The following BCL2 variants were observed in gnomAD, a reference collection of about 807,000 sequenced individuals.
BCL2 encodes the protein BCL2 apoptosis regulator, also known as apoptosis regulator Bcl-2.
BCL2 carries 1 observed loss-of-function variant against 14.2 expected under a neutral mutation model. The ratio of observed to expected loss-of-function variants is 0.07; its 90% confidence interval spans 0.02 to 0.33. The LOEUF is 0.33. Ranked by LOEUF, BCL2 falls within the 10% of genes least tolerant of loss-of-function variation. The probability of loss-of-function intolerance (pLI) is 0.99; values close to 1 mark genes in which losing one functional copy is unlikely to be tolerated. For missense variants in BCL2, 247 were observed against 305.9 expected (o/e 0.81, Z 1.44); for synonymous variants, 151 against 137.2 (o/e 1.10, Z -0.70).
chr18:63,231,694 G>T (rs913162295), intron 2 of BCL2, among the ~76,000 whole-genome samples: 1 of 151,994 alleles, frequency 6.6e-6, no homozygotes, highest in Non-Finnish European at 1.5e-5. Flanking sequence ...AAACTCATAA[G>T]ACCTAAATAA....
At chr18:63,319,850 CT>C (rs1166740035), upstream of BCL2, 2 of 178,982 alleles carry the variant, frequency 1.1e-5, no homozygotes, top group African/African-American at 2.4e-5. Flanking sequence ...GTTCTCCCCC[CT>C]GGACCCCCTC....
At chr18:63,165,436 C>A (rs1915020001) in intron 2 of BCL2, among the ~76,000 whole-genome samples, 1 of 152,194 alleles carries the variant, frequency 6.6e-6, no homozygotes, top group African/African-American at 2.4e-5. Context: ...TAGCTGCAGA[C>A]CTCCCTGGCT....
chr18:63,229,433 A>C (rs1362265663), intron 2 of BCL2, among the ~76,000 whole-genome samples: 3 of 152,188 alleles, frequency 2.0e-5, no homozygotes, highest in Admixed American at 2.0e-4. Flanking sequence ...TCTCATATTG[A>C]AATATAATCC....
chr18:63,251,855 C>T (rs777154088), intron 2 of BCL2, among the ~76,000 whole-genome samples: 3 of 151,718 alleles, frequency 2.0e-5, no homozygotes, highest in Non-Finnish European at 2.9e-5. Context: ...CCTGCCACCA[C>T]GCCCAGCTAA....
intron 2 of BCL2, among the ~76,000 whole-genome samples, chr18:63,136,654 C>T (rs1914217905): frequency 6.6e-6 from 1 of 152,252 alleles, no homozygotes; most frequent in South Asian, 2.1e-4. Flanking sequence ...ACAGAGCTTA[C>T]TCCTGCCAGG....
intron 2 of BCL2, among the ~76,000 whole-genome samples, chr18:63,298,187 G>T (rs1912854450): frequency 6.6e-6 from 1 of 152,172 alleles, no homozygotes; most frequent in Non-Finnish European, 1.5e-5. Context: ...ACTCCGAGCT[G>T]CAATCTGGCT....
At position 63,318,471 on chromosome 18, in the gene BCL2, C is replaced by T. The variant is rs749649089; in HGVS notation, c.196G>A (p.Val66Ile). 6 of 1,469,108 alleles carry T rather than the reference C, an allele frequency of 4.1e-6. No homozygotes were observed. Among genetic ancestry groups the T allele is most frequent in the Non-Finnish European group, 8.9e-7 (1 of 1,122,122 alleles). The allele number at this position is 1,469,108 out of a possible 1,614,324, so 91.0% of individuals were successfully genotyped here. A position where few individuals can be genotyped will look rare whatever the true frequency, so the allele number is the denominator to read the frequency against. The part of the protein sequence containing the change: ...TPHPAASRDP[V>I]ARTSPLQTPA... ...GTCTGCAGCGGCGAGGTCCTGGCGACCGGGTCCCGGGATGCGGCTGGATGG... is the reference window on the plus strand; with the variant it reads ...GTCTGCAGCGGCGAGGTCCTGGCGATCGGGTCCCGGGATGCGGCTGGATGG... The change falls in exon 2 of 3, where the codon GTC becomes ATC. Residue 66 changes from valine (V) to isoleucine (I), a missense_variant. Physicochemically the swap from Val to Ile is conservative, Grantham distance 29. Around this residue, in one of 3 missense-constraint regions of BCL2, gnomAD observed 144 missense variants for 135.3 expected, o/e 1.06. Coordinates refer to ENST00000333681, the MANE Select transcript of BCL2 (RefSeq NM_000633.3). The surrounding 1 kb of genome is among the most constrained non-coding windows in gnomAD (Gnocchi z 7.4).
chr18:63,236,477 C>T (rs892359225), intron 2 of BCL2, among the ~76,000 whole-genome samples: 1 of 152,232 alleles, frequency 6.6e-6, no homozygotes, highest in Middle Eastern at 3.4e-3. Context: ...GTTCATTCCA[C>T]TCATTTAGTA....
intron 2 of BCL2, among the ~76,000 whole-genome samples, chr18:63,239,902 C>T (rs945357799): frequency 1.2e-4 from 19 of 152,182 alleles, no homozygotes; most frequent in Non-Finnish European, 2.8e-4. Context: ...TCTCAGTTCA[C>T]ACTCGCATGC....
At chr18:63,141,988 G>T (rs184655426) in intron 2 of BCL2, among the ~76,000 whole-genome samples, 2 of 152,364 alleles carry the variant, frequency 1.3e-5, no homozygotes, top group African/African-American at 4.8e-5. Flanking sequence ...ACTGAAAGCA[G>T]ATGCTTGTTA....
At chr18:63,312,501 G>T (rs1913361111) in intron 2 of BCL2, among the ~76,000 whole-genome samples, 1 of 152,230 alleles carries the variant, frequency 6.6e-6, no homozygotes, top group South Asian at 2.1e-4. Context: ...AAACAGCTTT[G>T]TTGGCATTTT....
At chr18:63,181,526 G>T (rs535829804) in intron 2 of BCL2, among the ~76,000 whole-genome samples, 1 of 152,302 alleles carries the variant, frequency 6.6e-6, no homozygotes, top group South Asian at 2.1e-4. Flanking sequence ...GGACCTCTGT[G>T]TTTCTTTTTA....
rs1913975017 is a variant in BCL2 at position 63,128,501 on chromosome 18, T to C, written c.*124A>G. The C allele has an allele frequency of 1.5e-6, 1 of 648,120 alleles. No homozygotes were observed. Among genetic ancestry groups the C allele is most frequent in the East Asian group, 2.6e-5 (1 of 39,158 alleles). 40.1% of individuals were successfully genotyped at this position (648,120 alleles called of 1,614,324 possible). ...TGTCTGTCTGTGTGTGTGATGTTTATATGTGTGTTATTTTTTCTTAAACAG... is the reference window on the plus strand; with the variant it reads ...TGTCTGTCTGTGTGTGTGATGTTTACATGTGTGTTATTTTTTCTTAAACAG... On this transcript the variant is annotated 3_prime_UTR_variant, in exon 3 of 3. Transcript: ENST00000333681.
At chr18:63,270,754 C>G (rs1472511507) in intron 2 of BCL2, among the ~76,000 whole-genome samples, 1 of 152,090 alleles carries the variant, frequency 6.6e-6, no homozygotes, top group African/African-American at 2.4e-5. Flanking sequence ...ACAAATTTGA[C>G]TAATAAATTG....
intron 2 of BCL2, among the ~76,000 whole-genome samples, chr18:63,158,086 C>T (rs1914828638): frequency 6.6e-6 from 1 of 151,992 alleles, no homozygotes; most frequent in Non-Finnish European, 1.5e-5. Flanking sequence ...GCCTGGAACC[C>T]TGGGATTCAT....
chr18:63,236,355 AGT>A (rs1355390113), intron 2 of BCL2, among the ~76,000 whole-genome samples: 2 of 152,234 alleles, frequency 1.3e-5, no homozygotes, highest in African/African-American at 4.8e-5. Flanking sequence ...TAGGTAGGAG[AGT>A]GTTAATATGA....
intron 2 of BCL2, among the ~76,000 whole-genome samples, chr18:63,132,677 G>C (rs977914983): frequency 6.6e-6 from 1 of 152,116 alleles, no homozygotes; most frequent in Non-Finnish European, 1.5e-5. Context: ...CTGCGGCTTC[G>C]GGACTAAAAT....
chr18:63,212,589 T>C (rs1910063568), intron 2 of BCL2, among the ~76,000 whole-genome samples: 1 of 148,130 alleles, frequency 6.8e-6, no homozygotes, highest in South Asian at 2.1e-4. Context: ...TAAAAGTTGC[T>C]ACCTTGGCCG....
chr18:63,252,671 T>G (rs1911351205), intron 2 of BCL2, among the ~76,000 whole-genome samples: 1 of 152,234 alleles, frequency 6.6e-6, no homozygotes, highest in African/African-American at 2.4e-5. Flanking sequence ...GTCTGCCACG[T>G]GAGATGTGCC....
Sources: allele counts gnomAD v4.1 joint callset (sites outside exome capture counted in the v4.1 genomes callset), GRCh38; gene constraint gnomAD v4.1.1; regional missense constraint gnomAD v4.1.1; non-coding constraint Gnocchi (gnomAD v3.1); transcripts MANE v1.5; gene names NCBI Gene and HGNC (gene_info 2026-07-23, HGNC 2026-07-21).